TCF4: variants seen among roughly 807,000 people sequenced by gnomAD.
TCF4 encodes transcription factor 4, also known as SL3-3 enhancer factor 2.
TCF4 carries 3 observed loss-of-function variants against 82.1 expected under a neutral mutation model. That is an observed-to-expected ratio of 0.04 (90% CI 0.02 to 0.09). The LOEUF (loss-of-function observed/expected upper bound fraction) is 0.09. Among genes scored for constraint, TCF4 ranks in the 10% least tolerant of loss-of-function variants. The pLI is 1.00. For missense variants in TCF4, 518 were observed against 852.7 expected (o/e 0.61, Z 4.89); for synonymous variants, 276 against 309.6 (o/e 0.89, Z 1.14).
intron 2 of TCF4, among the ~76,000 whole-genome samples, chr18:55,611,567 A>G (rs2097707011): frequency 6.6e-6 from 1 of 152,352 alleles, no homozygotes; most frequent in East Asian, 1.9e-4. Context: ...AAAGCATAAC[A>G]TTGCTTTCCC....
At chr18:55,557,856 C>T (rs2097317905) in intron 3 of TCF4, among the ~76,000 whole-genome samples, 1 of 152,010 alleles carries the variant, frequency 6.6e-6, no homozygotes. Flanking sequence ...GACATGTAAA[C>T]TGAAATGACA....
chr18:55,434,838 A>G (rs562988234), intron 5 of TCF4, among the ~76,000 whole-genome samples: 2 of 150,718 alleles, frequency 1.3e-5, no homozygotes, highest in Non-Finnish European at 1.5e-5. Context: ...TATATGAGGT[A>G]TATGAGATAT....
intron 6 of TCF4, among the ~76,000 whole-genome samples, chr18:55,386,987 C>T (rs928475460): frequency 6.6e-6 from 1 of 152,202 alleles, no homozygotes; most frequent in Non-Finnish European, 1.5e-5. Flanking sequence ...ACCATTTTTA[C>T]ACTAGAACAG....
At chr18:55,351,307 A>G (rs1335788905) in intron 6 of TCF4, 1 of 329,348 alleles carries the variant, frequency 3.0e-6, no homozygotes, top group African/African-American at 2.2e-5. Flanking sequence ...ATATAAGACT[A>G]ATGTTTCCTT....
At chr18:55,381,104 C>G (rs2091832925) in intron 6 of TCF4, among the ~76,000 whole-genome samples, 1 of 152,184 alleles carries the variant, frequency 6.6e-6, no homozygotes, top group South Asian at 2.1e-4. Context: ...CAACTCTCTT[C>G]TCACCCCATC....
intron 2 of TCF4, among the ~76,000 whole-genome samples, chr18:55,614,671 CAT>C (rs1394306927): frequency 2.0e-5 from 3 of 152,088 alleles, no homozygotes; most frequent in Non-Finnish European, 2.9e-5. Flanking sequence ...TTTTATAATA[CAT>C]ATAATCTGGA....
chr18:55,562,192 A>AAGATTT (rs1568404656), intron 3 of TCF4, among the ~76,000 whole-genome samples: 1 of 152,224 alleles, frequency 6.6e-6, no homozygotes, highest in East Asian at 1.9e-4. Flanking sequence ...CAAAGCCAGA[A>AAGATTT]AGATTTACCA....
intron 8 of TCF4, among the ~76,000 whole-genome samples, chr18:55,290,451 T>C (rs1371613536): frequency 6.6e-6 from 1 of 152,172 alleles, no homozygotes; most frequent in Non-Finnish European, 1.5e-5. Flanking sequence ...CAGCAGTAAT[T>C]ACACTTCAGG....
At chr18:55,277,606 T>A (rs868614952) in intron 9 of TCF4, among the ~76,000 whole-genome samples, 43 of 150,350 alleles carry the variant, frequency 2.9e-4, no homozygotes, top group African/African-American at 9.3e-4. Context: ...AACTCAATTT[T>A]TTTTTTTTTT....
chr18:55,370,814 A>G (rs532116708), intron 6 of TCF4, among the ~76,000 whole-genome samples: 66 of 152,232 alleles, frequency 4.3e-4, no homozygotes, highest in Middle Eastern at 3.2e-3. Flanking sequence ...AATATTAACT[A>G]AGAGCCAGTT....
upstream of TCF4, among the ~76,000 whole-genome samples, chr18:55,590,641 C>T (rs1047896716): frequency 6.6e-6 from 1 of 152,194 alleles, no homozygotes; most frequent in South Asian, 2.1e-4. Flanking sequence ...GCTAAATCAA[C>T]TGATACCGCT....
At chr18:55,631,200 C>T in intron 2 of TCF4, 1 of 517,644 alleles carries the variant, frequency 1.9e-6, no homozygotes, top group East Asian at 3.6e-5. Flanking sequence ...CAGGCACATG[C>T]CACCATACCC....
intron 3 of TCF4, among the ~76,000 whole-genome samples, chr18:55,578,896 A>C (rs2097551721): frequency 6.6e-6 from 1 of 152,066 alleles, no homozygotes; most frequent in African/African-American, 2.4e-5. Flanking sequence ...CCATTTGAAC[A>C]ATCAATCGTG....
chr18:55,460,953 G>T, intron 5 of TCF4, 66 bp downstream of exon 5: 1 of 1,381,620 alleles, frequency 7.2e-7, no homozygotes, highest in Non-Finnish European at 1.0e-6. Flanking sequence ...TCTAGGACAT[G>T]GTTTTACCTT....
In TCF4 at chr18:55,587,337, CAAAAAAAAAAAAAAAAAAAAA is replaced by C. The variant is rs1159348981; in HGVS notation, c.-20-222_-20-202del. 4.1e-3 allele frequency: 29 copies of C among 7,148 alleles called. No homozygotes were observed. In the South Asian group the frequency reaches 0.044, roughly 11 times the overall value. 0.4% of individuals were successfully genotyped at this position (7,148 alleles called of 1,614,324 possible). ...TTTAAGATGGAATAGGCAGCAATAG[CAAAAAAAAAAAAAAAAAAAAA>C]AAAAAAAAAAAAAAAAGCGATATTG... On this transcript the variant is annotated intron_variant, in intron 1 of 19. Transcript: ENST00000354452.
intron 5 of TCF4, among the ~76,000 whole-genome samples, chr18:55,428,960 C>CA (rs1244539629): frequency 3.3e-5 from 5 of 150,344 alleles, no homozygotes; most frequent in Non-Finnish European, 7.4e-5. Flanking sequence ...AAACAGACAA[C>CA]AAAAAAGAGA....
chr18:55,574,786 CA>C lies in TCF4; in HGVS notation c.145+10493del, dbSNP rs542176078. 7.9e-3 allele frequency among the ~76,000 whole-genome samples: 1,052 copies of C among 132,930 alleles called. 11 individuals are homozygous for C. Among genetic ancestry groups the C allele is most frequent in the African/African-American group, 0.025 (911 of 36,274 alleles). 87.2% of individuals were successfully genotyped at this position (132,930 alleles called of 152,430 possible). A position where few individuals can be genotyped will look rare whatever the true frequency, so the allele number is the denominator to read the frequency against. On this transcript the variant is annotated intron_variant, in intron 3 of 19. Coordinates refer to ENST00000354452, the MANE Select transcript of TCF4 (RefSeq NM_001083962.2). Reference sequence around the variant, plus strand: ...GCACTATAACTTGTATCTTGGCTCTCAAAAAAAAAAAAACTTTCACTGAATG... The same window carrying C: ...GCACTATAACTTGTATCTTGGCTCTCAAAAAAAAAAAACTTTCACTGAATG...
chr18:55,348,048 G>A (rs1214674118), intron 8 of TCF4, among the ~76,000 whole-genome samples: 1 of 152,072 alleles, frequency 6.6e-6, no homozygotes, highest in Non-Finnish European at 1.5e-5. Context: ...TAGAAATACA[G>A]ATCTGCTACT....
intron 6 of TCF4, among the ~76,000 whole-genome samples, chr18:55,393,041 CATCTATTACTGACTCA>C (rs1390941352): frequency 6.6e-6 from 1 of 152,170 alleles, no homozygotes; most frequent in Non-Finnish European, 1.5e-5. Flanking sequence ...ATTTTGCAGA[CATCTATTACTGACTCA>C]ATCTTCAACA....
Sources: allele counts gnomAD v4.1 joint callset (sites outside exome capture counted in the v4.1 genomes callset), GRCh38; gene constraint gnomAD v4.1.1; transcripts MANE v1.5; gene names NCBI Gene and HGNC (gene_info 2026-07-23, HGNC 2026-07-21).